Variants in SLFN14 observed in about 807,000 individuals in gnomAD.
The protein encoded by SLFN14 is schlafen family member 14, also known as protein SLFN14.
SLFN14 carries 47 observed loss-of-function variants against 58.6 expected under a neutral mutation model. That is an observed-to-expected ratio of 0.80 (90% CI 0.64 to 1.02). SLFN14 has a LOEUF of 1.02. SLFN14 is among the 50% of genes least tolerant of loss of function. SLFN14 has a pLI of 0.00. For synonymous variants in SLFN14, 390 were observed against 387.3 expected, an observed-to-expected ratio of 1.01 and a Z score of -0.08; for missense variants, 967 against 1,078.4, an observed-to-expected ratio of 0.90 and a Z score of 1.45.
In SLFN14 at chr17:35,553,316, T is replaced by G; in HGVS notation, c.1318A>C (p.Arg440=). 1.3e-6 allele frequency: 2 copies of G among 1,551,680 alleles called. No homozygotes were observed. The highest frequency in any genetic ancestry group is 1.7e-6 in the Non-Finnish European group (2 of 1,146,996). ...AAGCCAACATCACCAGCCCAGCTTCTAGAAAATATCACAATCCCCTGAGAA... is the reference window on the plus strand; with the variant it reads ...AAGCCAACATCACCAGCCCAGCTTCGAGAAAATATCACAATCCCCTGAGAA... ...PCSQGIVIFS[R]SWAGDVGFRK... The change falls in exon 5 of 6, where the codon AGA becomes CGA. Residue 440 remains arginine (R), a synonymous_variant. Transcript: ENST00000674182.
At chr17:35,549,104 C>A in intron 5 of SLFN14, 31 bp from the exon 6 acceptor site, 1 of 1,506,306 alleles carries the variant, frequency 6.6e-7, no homozygotes, top group Non-Finnish European at 9.0e-7. Flanking sequence ...GGGCTTGAGG[C>A]ATATCAACAA....
rs1420538910 is a variant in SLFN14, at chr17:35,547,184, T to A, written c.*1055A>T. Among the ~76,000 whole-genome samples, 1 of 152,120 alleles carries A rather than the reference T, an allele frequency of 6.6e-6. No homozygotes were observed. Among genetic ancestry groups the A allele is most frequent in the Non-Finnish European group, 1.5e-5 (1 of 68,010 alleles). On this transcript the variant is annotated 3_prime_UTR_variant, in exon 6 of 6. Transcript: ENST00000674182. ...ACCAAGACAGAGAAAAAAAAATTCA[T>A]CTGAGGGCAAAGAATAATGAAAAAC...
At position 35,554,612 on chromosome 17, in the gene SLFN14, T is replaced by C. The variant is rs321612; in HGVS notation, c.1153A>G (p.Lys385Glu). 0.62 allele frequency: 946,130 copies of C among 1,531,412 alleles called. 294,571 individuals are homozygous for C. The highest frequency in any genetic ancestry group is 0.74 in the East Asian group (29,140 of 39,518). The allele number at this position is 1,531,412 out of a possible 1,614,324, so 94.9% of individuals were successfully genotyped here. ...KSPGYPIKVH[K>E]FKEALQRHLF... The stretch of plus-strand genomic sequence containing the variant: ...TGTCGTTGCAGAGCCTCCTTAAATT[T>C]GTGGACTTTTATGGGATATCCGGGA... Residue 385 changes from lysine to glutamate, a missense_variant, in exon 4 of 6, where the codon AAA becomes GAA. Physicochemically the swap from Lys to Glu is moderately conservative, Grantham distance 56. Transcript: ENST00000674182.
chr17:35,553,453 T>G lies in SLFN14; in HGVS notation c.1190-9A>C, dbSNP rs1296382804. The G allele has an allele frequency of 6.6e-7, 1 of 1,522,690 alleles. No individual in the cohort carries two copies. The highest frequency in any genetic ancestry group is 2.5e-5 in the East Asian group (1 of 40,618). 94.3% of individuals were successfully genotyped at this position (1,522,690 alleles called of 1,614,324 possible). Reference sequence around the variant, plus strand: ...TACCTCTTCCTGTGTCACTGAAAATTCAAGGAATAGATGTTACCAAAACTT... The same window carrying G: ...TACCTCTTCCTGTGTCACTGAAAATGCAAGGAATAGATGTTACCAAAACTT... On this transcript the variant is annotated splice_polypyrimidine_tract_variant and intron_variant, in intron 4 of 5. Coordinates refer to ENST00000674182, the MANE Select transcript of SLFN14 (RefSeq NM_001129820.2).
intron 4 of SLFN14, among the ~76,000 whole-genome samples, chr17:35,553,688 G>A (rs978270511): frequency 1.3e-5 from 2 of 152,096 alleles, no homozygotes; most frequent in African/African-American, 4.8e-5. Flanking sequence ...ACCCAGACTG[G>A]AGTGCAGTGG....
At chr17:35,551,611 C>T (rs574335500) in intron 5 of SLFN14, among the ~76,000 whole-genome samples, 1 of 152,296 alleles carries the variant, frequency 6.6e-6, no homozygotes, top group African/African-American at 2.4e-5. Flanking sequence ...ATCTCAAGAA[C>T]TAAATGGTGA....
intron 3 of SLFN14, among the ~76,000 whole-genome samples, chr17:35,555,058 A>G (rs1039857684): frequency 6.6e-6 from 1 of 152,148 alleles, no homozygotes; most frequent in Non-Finnish European, 1.5e-5. Context: ...GGGATCAGCA[A>G]GGATTAAAGC....
intron 5 of SLFN14, 109 bp from the exon 6 acceptor site, chr17:35,549,182 C>A: frequency 1.2e-6 from 1 of 857,318 alleles, no homozygotes; most frequent in South Asian, 1.7e-5. Context: ...CAGGCTGAGT[C>A]ATTGATTCAG....
At position 35,546,555 on chromosome 17, in the gene SLFN14, C is replaced by T. The variant is rs1426913929; in HGVS notation, c.*1684G>A. Among the ~76,000 whole-genome samples the T allele has an allele frequency of 6.6e-6, 1 of 152,158 alleles. No homozygotes were observed. Among genetic ancestry groups the T allele is most frequent in the Non-Finnish European group, 1.5e-5 (1 of 68,028 alleles). ...GCCTCCCCAGAGTCAATCAAGTTAT[C>T]CTAAACTTTTCTAGAAGTTAAAAAC... On this transcript the variant is annotated 3_prime_UTR_variant, in exon 6 of 6. Coordinates refer to ENST00000674182, the MANE Select transcript of SLFN14 (RefSeq NM_001129820.2).
chr17:35,545,476 C>G lies in SLFN14; in HGVS notation c.*2763G>C, dbSNP rs758519920. On this transcript the variant is annotated 3_prime_UTR_variant, in exon 6 of 6. Coordinates refer to ENST00000674182, the MANE Select transcript of SLFN14 (RefSeq NM_001129820.2). Reference sequence around the variant, plus strand: ...GGAGAAGGGTTCAATGGTTCTCAACCCTTGTGACATATTAGAATCATTTGG... The same window carrying G: ...GGAGAAGGGTTCAATGGTTCTCAACGCTTGTGACATATTAGAATCATTTGG... Among the ~76,000 whole-genome samples, 8 of 151,944 alleles carry G rather than the reference C, an allele frequency of 5.3e-5. No homozygotes were observed. Among genetic ancestry groups the G allele is most frequent in the Non-Finnish European group, 8.8e-5 (6 of 67,988 alleles).
In SLFN14 at chr17:35,546,446, C is replaced by G. The variant is rs2072535337; in HGVS notation, c.*1793G>C. Among the ~76,000 whole-genome samples the G allele has an allele frequency of 6.6e-6, 1 of 152,184 alleles. No individual in the cohort carries two copies. The highest frequency in any genetic ancestry group is 2.4e-5 in the African/African-American group (1 of 41,446). On this transcript the variant is annotated 3_prime_UTR_variant, in exon 6 of 6. Coordinates refer to ENST00000674182, the MANE Select transcript of SLFN14 (RefSeq NM_001129820.2). The stretch of plus-strand genomic sequence containing the variant: ...GGCAGCTAAGAGAGCTTCTCGAAAC[C>G]CTGCCTGCTCTTCCACCTCTTGGAA...
rs2072557416 is a variant in SLFN14, at chr17:35,548,798, G to A, written c.2180C>T (p.Thr727Ile). 3 of 1,551,372 alleles carry A rather than the reference G, an allele frequency of 1.9e-6. No homozygotes were observed. The highest frequency in any genetic ancestry group is 2.6e-6 in the Non-Finnish European group (3 of 1,146,796). Residue 727 changes from threonine to isoleucine, a missense_variant, in exon 6 of 6, where the codon ACA (threonine) becomes ATA (isoleucine). Physicochemically the swap from Thr to Ile is moderately conservative, Grantham distance 89. Transcript: ENST00000674182. ...PPPSAQFPRK[T>I]ITSGIHCALE... ...AGCACAGTGGATCCCACTGGTGATT[G>A]TTTTTCGAGGAAACTGAGCAGATGG...
At chr17:35,556,759 T>C (rs1184464310) in intron 3 of SLFN14, among the ~76,000 whole-genome samples, 1 of 152,172 alleles carries the variant, frequency 6.6e-6, no homozygotes, top group Admixed American at 6.5e-5. Flanking sequence ...CACTCCAGCC[T>C]GGGTGACAGA....
At chr17:35,560,212 G>T (rs1011523687) in intron 1 of SLFN14, among the ~76,000 whole-genome samples, 1 of 152,194 alleles carries the variant, frequency 6.6e-6, no homozygotes, top group Non-Finnish European at 1.5e-5. Context: ...AAACCCTATG[G>T]TCTCGTGACT....
In SLFN14 at chr17:35,547,605, A is replaced by T. The variant is rs1181878631; in HGVS notation, c.*634T>A. On this transcript the variant is annotated 3_prime_UTR_variant, in exon 6 of 6. Coordinates refer to ENST00000674182, the MANE Select transcript of SLFN14 (RefSeq NM_001129820.2). The stretch of plus-strand genomic sequence containing the variant: ...TTTGTGAGCTTGATTAGCATAAAGC[A>T]TCCCCAAGAGACTGATCTAGACTTG... 6.6e-6 allele frequency among the ~76,000 whole-genome samples: 1 copy of T among 152,236 alleles called. No individual in the cohort carries two copies. The highest frequency in any genetic ancestry group is 1.5e-5 in the Non-Finnish European group (1 of 68,042).
intron 4 of SLFN14, among the ~76,000 whole-genome samples, chr17:35,553,801 G>A (rs936286238): frequency 1.3e-5 from 2 of 152,064 alleles, no homozygotes; most frequent in Admixed American, 1.3e-4. Flanking sequence ...ACCACACCTG[G>A]CTAATTTTTG....
chr17:35,549,935 C>T (rs1029270468), intron 5 of SLFN14, among the ~76,000 whole-genome samples: 2 of 152,160 alleles, frequency 1.3e-5, no homozygotes, highest in Non-Finnish European at 2.9e-5. Flanking sequence ...TTGAGTTAGC[C>T]TTTTGACTGG....
intron 3 of SLFN14, among the ~76,000 whole-genome samples, chr17:35,556,693 G>A (rs1412179940): frequency 6.6e-6 from 1 of 152,160 alleles, no homozygotes; most frequent in African/African-American, 2.4e-5. Flanking sequence ...GCTGAAGCAC[G>A]AGAATCACTT....
chr17:35,557,921 C>A lies in SLFN14; in HGVS notation c.142G>T (p.Ala48Ser). ...CCAGAATTTAACAGTGCACATATAG[C>A]CCGGATAATTCTAGAATTCTCAGAT... The part of the protein sequence containing the change: ...KRSENSRIIR[A>S]ICALLNSGGG... The change falls in exon 3 of 6, where the codon GCT (alanine) becomes TCT (serine). Residue 48 changes from alanine to serine, a missense_variant. Physicochemically the swap from Ala to Ser is moderately conservative, Grantham distance 99 (BLOSUM62 1). Transcript: ENST00000674182. 1 of 1,551,672 alleles carries A rather than the reference C, an allele frequency of 6.4e-7. No individual in the cohort carries two copies. The highest frequency in any genetic ancestry group is 8.7e-7 in the Non-Finnish European group (1 of 1,147,004).
Sources: allele counts gnomAD v4.1 joint callset (sites outside exome capture counted in the v4.1 genomes callset), GRCh38; gene constraint gnomAD v4.1.1; transcripts MANE v1.5; gene names NCBI Gene and HGNC (gene_info 2026-07-23, HGNC 2026-07-21).